Variants in AKAP9 observed in about 807,000 individuals in gnomAD.
AKAP9 encodes A-kinase anchoring protein 9.
AKAP9 carries 311 observed loss-of-function variants against 488.5 expected under a neutral mutation model. The observed-to-expected ratio is 0.64, with a 90% CI of 0.58 to 0.70. The LOEUF (loss-of-function observed/expected upper bound fraction) is 0.70, where lower values mean the gene tolerates loss of function less well. AKAP9 is among the 30% of genes least tolerant of loss of function. The pLI is 0.00. For synonymous variants in AKAP9, 1,462 were observed against 1,483.5 expected, an observed-to-expected ratio of 0.99 and a Z score of 0.33; for missense variants, 4,215 against 4,374.5, an observed-to-expected ratio of 0.96 and a Z score of 1.03.
intron 5 of AKAP9, 114 bp from the exon 6 acceptor site, chr7:91,994,507 G>A (rs1798149388): frequency 2.2e-6 from 2 of 913,188 alleles, no homozygotes; most frequent in East Asian, 5.4e-5. Flanking sequence ...GGAAAATACT[G>A]ATTACAAAGT....
At chr7:92,019,789 C>T (rs1802066313) in intron 12 of AKAP9, among the ~76,000 whole-genome samples, 1 of 151,908 alleles carries the variant, frequency 6.6e-6, no homozygotes, top group African/African-American at 2.4e-5. Flanking sequence ...GGGCCGATCA[C>T]CTGAGGTCAG....
chr7:92,100,846 G>C lies in AKAP9; in HGVS notation c.10897-10G>C, dbSNP rs772513653. The C allele has an allele frequency of 2.5e-5, 40 of 1,613,944 alleles. No individual in the cohort carries two copies. The highest frequency in any genetic ancestry group is 3.3e-5 in the Non-Finnish European group (39 of 1,179,992). On this transcript the variant is annotated splice_polypyrimidine_tract_variant and intron_variant, in intron 44 of 49. Transcript: ENST00000356239. ...CAGAGACTTGTGTAAGTAGGCTGTG[G>C]TCTTTGCAGTCTTCCAGGTTTTCAT...
chr7:92,042,641 T>C (rs771087773), intron 19 of AKAP9, 27 bp from the exon 20 acceptor site: 1 of 1,523,246 alleles, frequency 6.6e-7, no homozygotes, highest in South Asian at 1.1e-5. Context: ...TGTCTTCTCC[T>C]CTCTTCCTTT....
In AKAP9 at chr7:91,941,033, C is replaced by T; in HGVS notation, c.-67C>T. ...CTTGCCGTCCCACCTCCGTCCAAAT[C>T]GACCTTTCCTTTCTATCCCCAACCA... On this transcript the variant is annotated 5_prime_UTR_variant, in exon 1 of 50. Coordinates refer to ENST00000356239, the MANE Select transcript of AKAP9 (RefSeq NM_005751.5). 6.6e-7 allele frequency: 1 copy of T among 1,509,986 alleles called. No individual in the cohort carries two copies. The highest frequency in any genetic ancestry group is 9.2e-7 in the Non-Finnish European group (1 of 1,085,208). The allele number at this position is 1,509,986 out of a possible 1,614,324, so 93.5% of individuals were successfully genotyped here. A position where few individuals can be genotyped will look rare whatever the true frequency, so the allele number is the denominator to read the frequency against.
At chr7:91,983,047 T>C (rs1796632606) in intron 3 of AKAP9, among the ~76,000 whole-genome samples, 1 of 152,056 alleles carries the variant, frequency 6.6e-6, no homozygotes, top group African/African-American at 2.4e-5. Flanking sequence ...GCTTTTTTTT[T>C]CTTTCTTTTA....
At chr7:92,077,086 TTA>T (rs1812708157) in intron 29 of AKAP9, 79 bp downstream of exon 29, 2 of 451,860 alleles carry the variant, frequency 4.4e-6, no homozygotes, top group East Asian at 5.0e-5. Context: ...ATTATTATTA[TTA>T]TTTCTTTCTT....
intron 1 of AKAP9, among the ~76,000 whole-genome samples, chr7:91,950,993 A>G (rs537451540): frequency 5.3e-5 from 8 of 152,142 alleles, no homozygotes; most frequent in Non-Finnish European, 1.2e-4. Context: ...GAAAATTCAT[A>G]TCTGAGCATT....
chr7:92,029,358 T>A (rs1229253538), intron 14 of AKAP9, among the ~76,000 whole-genome samples: 1 of 152,218 alleles, frequency 6.6e-6, no homozygotes. Context: ...TTTCGATGTG[T>A]ATACATAGGA....
Position 92,089,393 on chromosome 7 carries a change from A to G in AKAP9, c.9222A>G (p.Glu3074=), listed in dbSNP as rs1398611575. ...ACCTTCCTTTGTTACAGGGTGTTGA[A>G]TATCAAGCAGCTATGGAATGCCTCC... The part of the protein sequence containing the change: ...LEQRIQEQGV[E]YQAAMECLQK... Residue 3074 remains glutamate, a synonymous_variant, in exon 38 of 50, where the codon GAA becomes GAG. Transcript: ENST00000356239. The G allele has an allele frequency of 6.2e-7, 1 of 1,611,730 alleles. No individual in the cohort carries two copies. The highest frequency in any genetic ancestry group is 1.7e-5 in the Admixed American group (1 of 60,014).
intron 22 of AKAP9, among the ~76,000 whole-genome samples, chr7:92,057,436 G>A (rs565809503): frequency 1.3e-5 from 2 of 152,136 alleles, no homozygotes; most frequent in Admixed American, 6.6e-5. Context: ...AAGCCCTGAC[G>A]TGGAACTTGG....
intron 14 of AKAP9, among the ~76,000 whole-genome samples, chr7:92,024,042 T>A (rs1468499462): frequency 2.6e-5 from 4 of 151,462 alleles, no homozygotes; most frequent in Non-Finnish European, 5.9e-5. Context: ...TTCTCTACTT[T>A]ATTTTTTCTA....
chr7:92,086,234 G>A lies in AKAP9; in HGVS notation c.9031G>A (p.Asp3011Asn), dbSNP rs1287618539. ...MQLQREAEVY[D>N]SSQSHESFSD... The stretch of plus-strand genomic sequence containing the variant: ...GTTATATGTACTTTGCTAGGTTTAT[G>A]ATAGTTCTCAATCTCATGAGAGCTT... Residue 3011 changes from aspartate (D) to asparagine (N), a missense_variant, in exon 37 of 50, where the codon GAT becomes AAT. Physicochemically the swap from Asp to Asn is conservative, Grantham distance 23. Around this residue, in one of 5 missense-constraint regions of AKAP9, gnomAD observed 1,476 missense variants for 1,477.4 expected, o/e 1.00. Transcript: ENST00000356239. The A allele has an allele frequency of 4.3e-6, 7 of 1,613,800 alleles. No homozygotes were observed. The South Asian group carries it at 5.5e-5, about 13-fold the overall frequency.
intron 20 of AKAP9, among the ~76,000 whole-genome samples, chr7:92,044,484 TCATTACCATTAACTTGTA>T (rs1806630923): frequency 6.6e-6 from 1 of 152,224 alleles, no homozygotes; most frequent in African/African-American, 2.4e-5. Flanking sequence ...AACATTCAGC[TCATTACCATTAACTTGTA>T]CAAATACTAC....
At chr7:91,947,405 C>T (rs545554809) in intron 1 of AKAP9, among the ~76,000 whole-genome samples, 5 of 151,956 alleles carry the variant, frequency 3.3e-5, no homozygotes, top group African/African-American at 9.7e-5. Context: ...TGCAGTGGCA[C>T]GATCTCGGCT....
intron 30 of AKAP9, among the ~76,000 whole-genome samples, chr7:92,078,079 C>T (rs1159183101): frequency 6.6e-6 from 1 of 152,090 alleles, no homozygotes; most frequent in Non-Finnish European, 1.5e-5. Flanking sequence ...TCACTGCAAC[C>T]TCCACCTCCT....
In AKAP9 at chr7:92,001,348, A is replaced by T; in HGVS notation, c.1431A>T (p.Ser477=). ...GAGAAATGGAGAATGCTTTAAGGTC[A>T]TATTCAAATATTACAGTTAATGAAG... ...HKGEMENALR[S]YSNITVNEDQ... is the part of the protein sequence containing the mutation. The change falls in exon 8 of 50, where the codon TCA becomes TCT. Residue 477 remains serine, a synonymous_variant. Coordinates refer to ENST00000356239, the MANE Select transcript of AKAP9 (RefSeq NM_005751.5). 1.2e-6 allele frequency: 2 copies of T among 1,613,838 alleles called. No homozygotes were observed. Among genetic ancestry groups the T allele is most frequent in the Non-Finnish European group, 1.7e-6 (2 of 1,179,778 alleles).
At chr7:91,982,426 G>A (rs2130597734) in intron 3 of AKAP9, among the ~76,000 whole-genome samples, 1 of 151,970 alleles carries the variant, frequency 6.6e-6, no homozygotes, top group East Asian at 1.9e-4. Context: ...CCACCTATGA[G>A]TGAGAACTTG....
At chr7:92,083,732 G>C (rs367762083) in intron 33 of AKAP9, 77 bp downstream of exon 33, 3 of 1,506,058 alleles carry the variant, frequency 2.0e-6, no homozygotes, top group East Asian at 2.4e-5. Flanking sequence ...AATTCATTTT[G>C]TAGATGACAA....
At chr7:91,983,449 C>T (rs568690209) in intron 3 of AKAP9, among the ~76,000 whole-genome samples, 1 of 152,288 alleles carries the variant, frequency 6.6e-6, no homozygotes, top group African/African-American at 2.4e-5. Flanking sequence ...TCCAGTCTAT[C>T]ATTGATGGAC....
Sources: gnomAD v4.1 joint callset for allele counts (sites outside exome capture counted in the v4.1 genomes callset) on GRCh38, gnomAD v4.1.1 for gene constraint, gnomAD v4.1.1 regional missense constraint, MANE v1.5 for transcripts, NCBI Gene and HGNC (gene_info 2026-07-23, HGNC 2026-07-21) for gene names.